TTC7A: variants seen among roughly 807,000 people sequenced by gnomAD.
The protein encoded by TTC7A is tetratricopeptide repeat protein 7A.
A neutral mutation model predicts 103.7 loss-of-function variants in TTC7A; 110 were observed. That is an observed-to-expected ratio of 1.06 (90% CI 0.91 to 1.24). The LOEUF (loss-of-function observed/expected upper bound fraction) is 1.24, where lower values mean the gene tolerates loss of function less well. Among genes scored for constraint, TTC7A ranks in the 50% most tolerant of loss-of-function variants. The pLI, the probability that TTC7A is intolerant of heterozygous loss-of-function variation, is 0.00. For synonymous variants in TTC7A, 521 were observed against 467.9 expected, an observed-to-expected ratio of 1.11 and a Z score of -1.47; for missense variants, 1,340 against 1,116.3, an observed-to-expected ratio of 1.20 and a Z score of -2.86.
At chr2:46,933,783 T>C (rs1420182060) in intron 2 of TTC7A, among the ~76,000 whole-genome samples, 5 of 152,194 alleles carry the variant, frequency 3.3e-5, no homozygotes, top group African/African-American at 1.2e-4. Context: ...GAAGCAAATG[T>C]TTAATTTATA....
rs941464501 is a variant in TTC7A, at chr2:47,047,402, G to A, written c.1919+971G>A. 13 of 1,037,438 alleles carry A rather than the reference G, an allele frequency of 1.3e-5. No individual in the cohort carries two copies. In the African/African-American group the frequency reaches 1.4e-4, roughly 12 times the overall value. The allele number at this position is 1,037,438 out of a possible 1,614,324, so 64.3% of individuals were successfully genotyped here. The stretch of plus-strand genomic sequence containing the variant: ...CTCACTTTTCAGGCCTGGGAGACCA[G>A]GGCAGAGGAGGACCAGTGGGCGGAA... On this transcript the variant is annotated intron_variant, in intron 16 of 19. Coordinates refer to ENST00000319190, the MANE Select transcript of TTC7A (RefSeq NM_020458.4).
chr2:47,040,081 G>C (rs567936613), intron 15 of TTC7A, among the ~76,000 whole-genome samples: 1 of 152,198 alleles, frequency 6.6e-6, no homozygotes, highest in Non-Finnish European at 1.5e-5. Flanking sequence ...TGGTGGGTGA[G>C]GGAACACCGA....
intron 11 of TTC7A, among the ~76,000 whole-genome samples, chr2:47,020,464 G>T (rs1415553488): frequency 6.6e-6 from 1 of 152,198 alleles, no homozygotes; most frequent in Non-Finnish European, 1.5e-5. Flanking sequence ...GGGTTCTCGG[G>T]CCTATTGGTG....
intron 3 of TTC7A, among the ~76,000 whole-genome samples, chr2:46,959,394 C>A (rs1252470928): frequency 6.6e-6 from 1 of 152,170 alleles, no homozygotes; most frequent in African/African-American, 2.4e-5. Context: ...GGAGTCTGCT[C>A]TGTGGTTCTG....
chr2:47,051,930 A>T, intron 18 of TTC7A, 50 bp downstream of exon 18: 1 of 1,560,842 alleles, frequency 6.4e-7, no homozygotes, highest in Non-Finnish European at 8.7e-7. Flanking sequence ...CAGGCCACCC[A>T]TGCTCTCAGA....
chr2:46,964,039 C>A (rs951342415), intron 3 of TTC7A, among the ~76,000 whole-genome samples: 1 of 152,198 alleles, frequency 6.6e-6, no homozygotes, highest in Non-Finnish European at 1.5e-5. Context: ...AGCCCCAGAG[C>A]GCAGGCAGAA....
intron 19 of TTC7A, among the ~76,000 whole-genome samples, chr2:47,072,741 C>T (rs182213402): frequency 3.3e-5 from 5 of 152,276 alleles, no homozygotes; most frequent in Non-Finnish European, 7.4e-5. Context: ...CTCATGCCAC[C>T]CTCAGGGCTG....
rs1558657504 is a variant in TTC7A, at chr2:47,073,895, C to T, written c.2549C>T (p.Pro850Leu). ...LELEASSPVL[P>L]FSIIPREL Reference sequence around the variant, plus strand: ...CTGGAGGCCAGCAGCCCTGTACTGCCCTTCTCCATCATCCCCAGAGAGCTC... The same window carrying T: ...CTGGAGGCCAGCAGCCCTGTACTGCTCTTCTCCATCATCCCCAGAGAGCTC... The change falls in exon 20 of 20, where the codon CCC becomes CTC. Residue 850 changes from proline (P) to leucine (L), a missense_variant. Coordinates refer to ENST00000319190, the MANE Select transcript of TTC7A (RefSeq NM_020458.4). The T allele has an allele frequency of 2.5e-6, 4 of 1,612,876 alleles. No individual in the cohort carries two copies. The highest frequency in any genetic ancestry group is 1.7e-5 in the Admixed American group (1 of 59,990).
chr2:47,002,605 G>A (rs1382042219), intron 8 of TTC7A, among the ~76,000 whole-genome samples: 1 of 152,058 alleles, frequency 6.6e-6, no homozygotes, highest in African/African-American at 2.4e-5. Context: ...AGCTGGGGGT[G>A]CTGGGAAGGA....
chr2:47,054,158 T>A, intron 18 of TTC7A: 1 of 985,138 alleles, frequency 1.0e-6, no homozygotes, highest in Non-Finnish European at 1.2e-6. Context: ...TGCATCAGGG[T>A]CAGGCAGTGT....
intron 2 of TTC7A, among the ~76,000 whole-genome samples, chr2:46,917,639 C>G (rs1485889153): frequency 1.3e-5 from 2 of 152,184 alleles, no homozygotes; most frequent in Non-Finnish European, 2.9e-5. Flanking sequence ...TGTTATGTCT[C>G]TCTTGAATCT....
Position 47,039,580 on chromosome 2 carries a change from A to G in TTC7A, c.1803-6735A>G, listed in dbSNP as rs534989971. Among the ~76,000 whole-genome samples, 7 of 152,368 alleles carry G rather than the reference A, an allele frequency of 4.6e-5. No homozygotes were observed. In the East Asian group the frequency reaches 9.6e-4, roughly 21 times the overall value. On this transcript the variant is annotated intron_variant, in intron 15 of 19. Transcript: ENST00000319190. ...TTTTTTTTAAGTTTTTGGAAAAGCCATACTTACTCATTTCTGAGGAGTCTC... is the reference window on the plus strand; with the variant it reads ...TTTTTTTTAAGTTTTTGGAAAAGCCGTACTTACTCATTTCTGAGGAGTCTC...
chr2:47,029,553 G>A (rs578087170), intron 15 of TTC7A, among the ~76,000 whole-genome samples, 169 bp downstream of exon 15: 1 of 152,216 alleles, frequency 6.6e-6, no homozygotes, highest in Non-Finnish European at 1.5e-5. Context: ...GGGGTCAGCA[G>A]ACAGCTGTGG....
chr2:46,977,701 C>T (rs530923479), intron 4 of TTC7A, among the ~76,000 whole-genome samples: 64 of 152,242 alleles, frequency 4.2e-4, no homozygotes, highest in African/African-American at 1.4e-3. Context: ...GTTTGAGGTC[C>T]GGACTGACAC....
Position 47,024,113 on chromosome 2 carries a change from G to T in TTC7A, c.1569-174G>T, listed in dbSNP as rs546801271. On this transcript the variant is annotated intron_variant, in intron 13 of 19. Coordinates refer to ENST00000319190, the MANE Select transcript of TTC7A (RefSeq NM_020458.4). ...CCCTGCCTTGGGCTGCCTGTGGGCC[G>T]CCTTCCTTGGTCTTCATCTGCCAGC... 5.3e-5 allele frequency among the ~76,000 whole-genome samples: 8 copies of T among 152,168 alleles called. No homozygotes were observed. The East Asian group carries it at 1.5e-3, about 29-fold the overall frequency.
At chr2:46,959,665 C>G (rs1672204313) in intron 3 of TTC7A, among the ~76,000 whole-genome samples, 1 of 152,214 alleles carries the variant, frequency 6.6e-6, no homozygotes, top group Non-Finnish European at 1.5e-5. Context: ...AGCAGAGGGA[C>G]TTGCACTGTG....
intron 5 of TTC7A, among the ~76,000 whole-genome samples, chr2:46,983,890 G>A (rs1032535043): frequency 1.3e-5 from 2 of 152,220 alleles, no homozygotes; most frequent in Non-Finnish European, 2.9e-5. Flanking sequence ...GAAGGCCAGA[G>A]GAGCTGTTCT....
intron 3 of TTC7A, among the ~76,000 whole-genome samples, chr2:46,960,755 T>C (rs2104063028): frequency 1.3e-5 from 2 of 152,324 alleles, no homozygotes; most frequent in East Asian, 1.9e-4. Context: ...ATAAGTAGCA[T>C]TGGTGGCCAG....
At chr2:47,044,544 C>T (rs886295267) in intron 15 of TTC7A, among the ~76,000 whole-genome samples, 18 of 152,098 alleles carry the variant, frequency 1.2e-4, no homozygotes, top group African/African-American at 3.9e-4. Context: ...CGGTTTCTGC[C>T]CTTGGGACCT....
Sources: gnomAD v4.1 joint callset for allele counts (sites outside exome capture counted in the v4.1 genomes callset) on GRCh38, gnomAD v4.1.1 for gene constraint, MANE v1.5 for transcripts, NCBI Gene and HGNC (gene_info 2026-07-23, HGNC 2026-07-21) for gene names.